The following CARD8 variants were observed in gnomAD, a reference collection of about 807,000 sequenced individuals.
CARD8 encodes caspase recruitment domain family member 8.
Under a neutral mutation model 53.2 loss-of-function variants are expected in CARD8, and 38 were observed. The observed-to-expected ratio is 0.71, with a 90% CI of 0.55 to 0.94. CARD8 has a LOEUF of 0.94. Ranked by LOEUF, CARD8 falls within the 40% of genes least tolerant of loss-of-function variation. CARD8 has a pLI of 0.00. For missense variants in CARD8, 561 were observed against 655.5 expected (o/e 0.86, Z 1.57); for synonymous variants, 245 against 244.9 (o/e 1.00, Z 0.00).
intron 6 of CARD8, chr19:48,232,723 A>C (rs1232883208): frequency 3.0e-6 from 2 of 660,624 alleles, no homozygotes; most frequent in Admixed American, 4.1e-5. Context: ...CGGCTATAAC[A>C]CTGTGTAGCA....
intron 3 of CARD8, among the ~76,000 whole-genome samples, chr19:48,248,084 T>G (rs917993754): frequency 6.6e-6 from 1 of 152,148 alleles, no homozygotes; most frequent in Non-Finnish European, 1.5e-5. Flanking sequence ...TCTTTTTTAC[T>G]CCCATGAAAA....
chr19:48,223,147 T>C, intron 10 of CARD8, among the ~76,000 whole-genome samples: 1 of 151,742 alleles, frequency 6.6e-6, no homozygotes, highest in East Asian at 1.9e-4. Flanking sequence ...CTACTAAAAA[T>C]ACAAAAATTA....
chr19:48,230,545 G>A lies in CARD8; in HGVS notation c.928C>T (p.Arg310Cys), dbSNP rs375966868. The change falls in exon 10 of 14, where the codon CGC becomes TGC. Residue 310 changes from arginine to cysteine, a missense_variant. Arg to Cys is a radical substitution (Grantham distance 180). Coordinates refer to ENST00000651546, the MANE Select transcript of CARD8 (RefSeq NM_001184900.3). ...GILLRIASGT[R>C]LSIPITSNTL... ...TTGGAAGTGATGGGGATGGAGAGGC[G>A]AGTCCCACTGGCGATCCGCAGCAGG... is the stretch of plus-strand genomic sequence containing the variant. 1.5e-5 allele frequency: 24 copies of A among 1,614,032 alleles called. No homozygotes were observed. Among genetic ancestry groups the A allele is most frequent in the South Asian group, 5.5e-5 (5 of 91,090 alleles).
chr19:48,210,560 A>G lies in CARD8; in HGVS notation c.*1150T>C, dbSNP rs2037809805. ...TATGTAGAAGATAACTATATCCTAG[A>G]TGAGAAAAGGTAATAGGATCTAAAT... On this transcript the variant is annotated 3_prime_UTR_variant, in exon 14 of 14. Coordinates refer to ENST00000651546, the MANE Select transcript of CARD8 (RefSeq NM_001184900.3). 6.6e-6 allele frequency: 1 copy of G among 152,212 alleles called. No individual in the cohort carries two copies. Among genetic ancestry groups the G allele is most frequent in the South Asian group, 2.1e-4 (1 of 4,830 alleles). 9.4% of individuals were successfully genotyped at this position (152,212 alleles called of 1,614,324 possible).
At position 48,242,250 on chromosome 19, in the gene CARD8, G is replaced by C. The variant is rs568322876; in HGVS notation, c.-43-1187C>G. 6.6e-5 allele frequency among the ~76,000 whole-genome samples: 10 copies of C among 152,186 alleles called. No individual in the cohort carries two copies. In the East Asian group the frequency reaches 1.9e-3, roughly 29 times the overall value. On this transcript the variant is annotated intron_variant, in intron 3 of 13. Coordinates refer to ENST00000651546, the MANE Select transcript of CARD8 (RefSeq NM_001184900.3). Reference sequence around the variant, plus strand: ...TTAGCAAAGAGACCCCAGAGACCTCGCTCCCGCTTTCTACCGTGGGAGGGC... The same window carrying C: ...TTAGCAAAGAGACCCCAGAGACCTCCCTCCCGCTTTCTACCGTGGGAGGGC...
intron 5 of CARD8, among the ~76,000 whole-genome samples, chr19:48,235,073 T>TA (rs1219209634): frequency 6.6e-6 from 1 of 151,052 alleles, no homozygotes; most frequent in African/African-American, 2.5e-5. Flanking sequence ...AGGGGTTGCA[T>TA]AAAGCAACAA....
chr19:48,231,665 T>TC lies in CARD8; in HGVS notation c.536dup (p.Tyr180IlefsTer25), dbSNP rs777902590. The TC allele has an allele frequency of 9.4e-6, 15 of 1,596,766 alleles. No homozygotes were observed. In the Admixed American group the frequency reaches 2.6e-4, roughly 28 times the overall value. On this transcript the variant is annotated frameshift_variant, in exon 8 of 14. Coordinates refer to ENST00000651546, the MANE Select transcript of CARD8 (RefSeq NM_001184900.3). LOFTEE classifies it high-confidence loss of function. The stretch of plus-strand genomic sequence containing the variant: ...TCAGCATCTTCCATTCTTACCTGTA[T>TC]CTGTTTGTGCTCTTATCAATCAACT...
At chr19:48,243,804 T>C (rs893921554) in intron 3 of CARD8, among the ~76,000 whole-genome samples, 5 of 152,210 alleles carry the variant, frequency 3.3e-5, no homozygotes, top group African/African-American at 1.2e-4. Flanking sequence ...TGAGCTATGA[T>C]GGCGCCGCTG....
At position 48,238,397 on chromosome 19, in the gene CARD8, A is replaced by T; in HGVS notation, c.195T>A (p.Cys65Ter). ...ATGTCCCTTACGTATCATTTGTCAC[A>T]CAGGCCTCAGCCTGAAAAAAAATTC... ...KTGIFFQAEA[C>*]VTNDTVYREL... Residue 65 changes from cysteine (C) to a stop codon, truncating the protein, a stop_gained, in exon 5 of 14, where the codon TGT (cysteine) becomes TGA (stop). Transcript: ENST00000651546. LOFTEE classifies it high-confidence loss of function. The T allele has an allele frequency of 6.5e-7, 1 of 1,535,812 alleles. No homozygotes were observed. The highest frequency in any genetic ancestry group is 8.7e-7 in the Non-Finnish European group (1 of 1,146,820).
At chr19:48,229,354 G>T (rs1244072358) in intron 10 of CARD8, among the ~76,000 whole-genome samples, 1 of 152,180 alleles carries the variant, frequency 6.6e-6, no homozygotes, top group East Asian at 1.9e-4. Context: ...CTAAGTGAAG[G>T]ATAGGAAAAG....
At position 48,230,960 on chromosome 19, in the gene CARD8, G is replaced by C; in HGVS notation, c.589C>G (p.Leu197Val). ...AGWYLWSATGLGFLVRDEVTV... is the reference protein window; with the variant it reads ...AGWYLWSATGVGFLVRDEVTV... ...ACCTCATCCCTTACCAGGAAGCCGA[G>C]GCCTGTGGCTGACCACAGATACCAG... Residue 197 changes from leucine to valine, a missense_variant, in exon 9 of 14, where the codon CTC becomes GTC. Leu to Val is a conservative substitution (Grantham distance 32, BLOSUM62 1). Coordinates refer to ENST00000651546, the MANE Select transcript of CARD8 (RefSeq NM_001184900.3). 6.2e-7 allele frequency: 1 copy of C among 1,614,154 alleles called. No individual in the cohort carries two copies. Among genetic ancestry groups the C allele is most frequent in the South Asian group, 1.1e-5 (1 of 91,082 alleles).
At chr19:48,244,345 A>G (rs1364866014) in intron 3 of CARD8, among the ~76,000 whole-genome samples, 2 of 152,254 alleles carry the variant, frequency 1.3e-5, no homozygotes, top group African/African-American at 2.4e-5. Flanking sequence ...AATAATGAGG[A>G]GACAGATTTA....
chr19:48,231,030 A>G, intron 8 of CARD8, 24 bp from the exon 9 acceptor site: 1 of 1,578,894 alleles, frequency 6.3e-7, no homozygotes, highest in Non-Finnish European at 8.7e-7. Context: ...GAGTGATGTC[A>G]TGACGGGAGA....
At position 48,221,008 on chromosome 19, in the gene CARD8, A is replaced by AAG. The variant is rs1555806505; in HGVS notation, c.1161+721_1161+722insCT. Among the ~76,000 whole-genome samples, 143 of 122,082 alleles carry AAG rather than the reference A, an allele frequency of 1.2e-3. 1 individual carries two copies. The highest frequency in any genetic ancestry group is 1.8e-3 in the Non-Finnish European group (112 of 60,780). 80.1% of individuals were successfully genotyped at this position (122,082 alleles called of 152,430 possible). On this transcript the variant is annotated intron_variant, in intron 11 of 13. Transcript: ENST00000651546. ...AAGGAAGGAAGGAAAGAAAGAAAGAAAAAGAAAGAAAGAAAGAGAGAAAGA... is the reference window on the plus strand; with the variant it reads ...AAGGAAGGAAGGAAAGAAAGAAAGAAAGAAAGAAAGAAAGAAAGAGAGAAAGA...
At chr19:48,207,744 T>TG (rs1568596073), downstream of CARD8, among the ~76,000 whole-genome samples, 1,505 of 90,334 alleles carry the variant, frequency 0.017, 64 homozygotes, top group African/African-American at 0.05. Flanking sequence ...GTTTTTTTTT[T>TG]TTTTTTTTTG....
At chr19:48,229,702 G>C (rs1023679419) in intron 10 of CARD8, among the ~76,000 whole-genome samples, 43 of 152,372 alleles carry the variant, frequency 2.8e-4, no homozygotes, top group Middle Eastern at 3.4e-3. Flanking sequence ...TCAGAAGAGA[G>C]TGTGGGAATA....
chr19:48,224,779 G>GC (rs2041399350), intron 10 of CARD8, among the ~76,000 whole-genome samples: 1 of 142,228 alleles, frequency 7.0e-6, no homozygotes, highest in African/African-American at 2.6e-5. Flanking sequence ...TTTTTGAGAT[G>GC]GAGTCTCGCT....
At chr19:48,220,540 T>C (rs1486177213) in intron 11 of CARD8, among the ~76,000 whole-genome samples, 1 of 152,210 alleles carries the variant, frequency 6.6e-6, no homozygotes, top group Non-Finnish European at 1.5e-5. Flanking sequence ...TAAATCTTGA[T>C]ACTTTGTTCT....
At chr19:48,227,995 C>T (rs1170953214) in intron 10 of CARD8, among the ~76,000 whole-genome samples, 1 of 152,156 alleles carries the variant, frequency 6.6e-6, no homozygotes, top group Non-Finnish European at 1.5e-5. Context: ...TTTACAGCCA[C>T]TCCCCATCAC....
Sources: gnomAD v4.1 joint callset for allele counts (sites outside exome capture counted in the v4.1 genomes callset) on GRCh38, gnomAD v4.1.1 for gene constraint, MANE v1.5 for transcripts, NCBI Gene and HGNC (gene_info 2026-07-23, HGNC 2026-07-21) for gene names.